PI4KA: variants seen among roughly 807,000 people sequenced by gnomAD.
PI4KA encodes phosphatidylinositol 4-kinase alpha, also known as PI4-kinase alpha.
Under a neutral mutation model 271.4 loss-of-function variants are expected in PI4KA, and 122 were observed. The ratio of observed to expected loss-of-function variants is 0.45; its 90% CI spans 0.39 to 0.52. The LOEUF (loss-of-function observed/expected upper bound fraction) is 0.52, where lower values mean the gene tolerates loss of function less well. Ranked by LOEUF, PI4KA falls within the 20% of genes least tolerant of loss-of-function variation. The pLI is 0.00. For synonymous variants in PI4KA, 1,041 were observed against 1,078.8 expected (o/e 0.96, Z 0.69); for missense variants, 1,969 against 2,769.1 (o/e 0.71, Z 6.48).
rs771881797 is a variant in PI4KA, at chr22:20,752,894, T to C, written c.2987+9A>G. ...TACACACAAAACATTAGCAGGAAAATGAGCTTACTTATCCACCAGACCAGA... is the reference window on the plus strand; with the variant it reads ...TACACACAAAACATTAGCAGGAAAACGAGCTTACTTATCCACCAGACCAGA... On this transcript the variant is annotated intron_variant, in intron 25 of 54. Transcript: ENST00000255882. 2 of 1,613,136 alleles carry C rather than the reference T, an allele frequency of 1.2e-6. No individual in the cohort carries two copies. The highest frequency in any genetic ancestry group is 1.3e-5 in the African/African-American group (1 of 74,908).
chr22:20,765,209 C>T lies in PI4KA; in HGVS notation c.2465G>A (p.Gly822Glu), dbSNP rs1315547557. 1 of 1,612,976 alleles carries T rather than the reference C, an allele frequency of 6.2e-7. No individual in the cohort carries two copies. Among genetic ancestry groups the T allele is most frequent in the African/African-American group, 1.3e-5 (1 of 74,982 alleles). ...GGACTTAGTGGCTATTTCACAGACC[C>T]CCTCGTACCATTCTTCTGGCCAGAG... ...SGLWPEEWYEGVCEIATKSPL... is the reference protein window; with the variant it reads ...SGLWPEEWYEEVCEIATKSPL... The change falls in exon 21 of 55, where the codon GGG (glycine) becomes GAG (glutamate). Residue 822 changes from glycine to glutamate, a missense_variant. This residue lies in a region of PI4KA where 368 missense variants were observed against 544.3 expected (regional missense o/e 0.68). Coordinates refer to ENST00000255882, the MANE Select transcript of PI4KA (RefSeq NM_058004.4).
intron 22 of PI4KA, 91 bp downstream of exon 22, chr22:20,764,726 T>A: frequency 1.5e-6 from 2 of 1,348,948 alleles, no homozygotes; most frequent in South Asian, 1.6e-5. Flanking sequence ...TTGGGAGAAG[T>A]TGAAAAAAGT....
chr22:20,725,739 T>C (rs1309844136), intron 42 of PI4KA: 1 of 299,482 alleles, frequency 3.3e-6, no homozygotes, highest in Non-Finnish European at 6.9e-6. Flanking sequence ...CTACAAAAAA[T>C]ACAAAAATTA....
At chr22:20,776,061 C>T (rs557881179) in intron 19 of PI4KA, among the ~76,000 whole-genome samples, 1 of 152,264 alleles carries the variant, frequency 6.6e-6, no homozygotes, top group South Asian at 2.1e-4. Context: ...GTAACTCATA[C>T]CTGTAATTCC....
rs187252549 is a variant in PI4KA at position 20,818,959 on chromosome 22, G to C, written c.790-410C>G. On this transcript the variant is annotated intron_variant, in intron 6 of 54. Transcript: ENST00000255882. ...GGACTAGCCTCAACACCACCTGTAG[G>C]GTATTTGATGTTTGGTGGCGACAAA... Among the ~76,000 whole-genome samples the C allele has an allele frequency of 5.9e-5, 9 of 152,224 alleles. No individual in the cohort carries two copies. The East Asian group carries it at 1.7e-3, about 29-fold the overall frequency.
At position 20,742,286 on chromosome 22, in the gene PI4KA, T is replaced by G; in HGVS notation, c.3683A>C (p.Glu1228Ala). The change falls in exon 32 of 55, where the codon GAG becomes GCG. Residue 1228 changes from glutamate (E) to alanine (A), a missense_variant. By Grantham distance (107) the Glu-to-Ala change is moderately radical. This residue lies in a region of PI4KA where 203 missense variants were observed against 256.8 expected (regional missense o/e 0.79). Coordinates refer to ENST00000255882, the MANE Select transcript of PI4KA (RefSeq NM_058004.4). ...CCACTCCCAGCAGGCCAGGGCCGTCTCCATGCCATGCTCATTGAACATCCG... is the reference window on the plus strand; with the variant it reads ...CCACTCCCAGCAGGCCAGGGCCGTCGCCATGCCATGCTCATTGAACATCCG... ...PLRMFNEHGM[E>A]TALACWEWLL... The G allele has an allele frequency of 6.2e-7, 1 of 1,614,162 alleles. No homozygotes were observed. The highest frequency in any genetic ancestry group is 8.5e-7 in the Non-Finnish European group (1 of 1,180,020).
rs1927476767 is a variant in PI4KA at position 20,727,312 on chromosome 22, C to T, written c.4859G>A (p.Gly1620Asp). ...LCWAPTDPPT[G>D]LSYFSSMYPP... Reference sequence around the variant, plus strand: ...GTACATGCTGGAGAAGTAGGAGAGGCCTGTGGGTGGGTCCGTGGGCGCCCA... The same window carrying T: ...GTACATGCTGGAGAAGTAGGAGAGGTCTGTGGGTGGGTCCGTGGGCGCCCA... Residue 1620 changes from glycine (G) to aspartate (D), a missense_variant, in exon 41 of 55, where the codon GGC (glycine) becomes GAC (aspartate). Transcript: ENST00000255882. 1 of 1,613,152 alleles carries T rather than the reference C, an allele frequency of 6.2e-7. No homozygotes were observed. Among genetic ancestry groups the T allele is most frequent in the Non-Finnish European group, 8.5e-7 (1 of 1,179,934 alleles).
chr22:20,817,522 C>T (rs944659550), intron 7 of PI4KA, among the ~76,000 whole-genome samples: 7 of 151,426 alleles, frequency 4.6e-5, no homozygotes, highest in Non-Finnish European at 1.5e-5. Context: ...TTCCCTTGAG[C>T]CTAGGAGTTC....
At chr22:20,749,694 C>T (rs1930468877) in intron 28 of PI4KA, among the ~76,000 whole-genome samples, 1 of 152,276 alleles carries the variant, frequency 6.6e-6, no homozygotes, top group Admixed American at 6.5e-5. Context: ...GTCAGATGCC[C>T]TCCTTGTGCC....
chr22:20,726,900 C>T (rs556561916), intron 41 of PI4KA, among the ~76,000 whole-genome samples: 7 of 152,162 alleles, frequency 4.6e-5, no homozygotes, highest in South Asian at 2.1e-4. Flanking sequence ...GGACCCTCCA[C>T]GGGTGAGGTC....
intron 4 of PI4KA, among the ~76,000 whole-genome samples, chr22:20,823,183 G>A (rs1922935773): frequency 6.6e-6 from 1 of 152,118 alleles, no homozygotes; most frequent in Non-Finnish European, 1.5e-5. Flanking sequence ...CAAAGTGCTA[G>A]GATTACAAGC....
At chr22:20,834,529 CTT>C (rs1924611469) in intron 3 of PI4KA, 31 bp downstream of exon 3, 2 of 1,273,392 alleles carry the variant, frequency 1.6e-6, no homozygotes, top group Non-Finnish European at 2.3e-6. Flanking sequence ...TGTATTTTCT[CTT>C]ATATTCAGGG....
intron 23 of PI4KA, among the ~76,000 whole-genome samples, chr22:20,755,008 T>C (rs1371098367): frequency 1.3e-5 from 2 of 152,142 alleles, no homozygotes; most frequent in East Asian, 3.8e-4. Context: ...AGGCTGGTCT[T>C]GAACTCCTGG....
At position 20,765,099 on chromosome 22, in the gene PI4KA, C is replaced by A; in HGVS notation, c.2574+1G>T. Reference sequence around the variant, plus strand: ...GGTAAAAATGAGATGTGAATCCTTACGGGGGTGACCGTGTCATTCTTCATG... The same window carrying A: ...GGTAAAAATGAGATGTGAATCCTTAAGGGGGTGACCGTGTCATTCTTCATG... On this transcript the variant is annotated splice_donor_variant, in intron 21 of 54. Coordinates refer to ENST00000255882, the MANE Select transcript of PI4KA (RefSeq NM_058004.4). LOFTEE classifies it high-confidence loss of function. 6.2e-7 allele frequency: 1 copy of A among 1,611,226 alleles called. No homozygotes were observed. The highest frequency in any genetic ancestry group is 1.3e-5 in the African/African-American group (1 of 74,982).
At chr22:20,833,295 A>T (rs1266757517) in intron 3 of PI4KA, among the ~76,000 whole-genome samples, 1 of 152,162 alleles carries the variant, frequency 6.6e-6, no homozygotes, top group African/African-American at 2.4e-5. Context: ...CCACAGCCAC[A>T]ACACTCTGAA....
chr22:20,766,843 G>A (rs1369204334), intron 19 of PI4KA, among the ~76,000 whole-genome samples: 1 of 152,150 alleles, frequency 6.6e-6, no homozygotes, highest in Non-Finnish European at 1.5e-5. Context: ...CCGGGAGAGA[G>A]GTGGGAGAGA....
intron 19 of PI4KA, among the ~76,000 whole-genome samples, chr22:20,782,075 T>C (rs531443654): frequency 2.6e-5 from 4 of 152,366 alleles, no homozygotes; most frequent in South Asian, 2.1e-4. Flanking sequence ...AAATAACCTA[T>C]GTTTAGGACT....
intron 23 of PI4KA, among the ~76,000 whole-genome samples, chr22:20,753,664 T>C (rs1029987059): frequency 1.3e-5 from 2 of 152,180 alleles, no homozygotes; most frequent in South Asian, 4.1e-4. Flanking sequence ...GAGAACTCCA[T>C]AGAGTGGATG....
At chr22:20,796,359 C>T (rs1274975400) in intron 17 of PI4KA, 45 bp from the exon 18 acceptor site, 1 of 1,583,360 alleles carries the variant, frequency 6.3e-7, no homozygotes, top group Non-Finnish European at 8.6e-7. Flanking sequence ...AGGCCCTCAA[C>T]CGTCCCCAAG....
Sources: allele counts gnomAD v4.1 joint callset (sites outside exome capture counted in the v4.1 genomes callset), GRCh38; gene constraint gnomAD v4.1.1; regional missense constraint gnomAD v4.1.1; transcripts MANE v1.5; gene names NCBI Gene and HGNC (gene_info 2026-07-23, HGNC 2026-07-21).